The following CFAP44 variants were observed in gnomAD, a reference collection of about 807,000 sequenced individuals.
The protein encoded by CFAP44 is cilia- and flagella-associated protein 44.
A neutral mutation model predicts 216.2 loss-of-function variants in CFAP44; 134 were observed. The observed-to-expected ratio is 0.62, with a 90% CI of 0.54 to 0.72. The LOEUF (loss-of-function observed/expected upper bound fraction) is 0.72. CFAP44 is among the 30% of genes least tolerant of loss of function. The pLI is 0.00. For missense variants in CFAP44, 2,035 were observed against 2,182.1 expected, an observed-to-expected ratio of 0.93 and a Z score of 1.34; for synonymous variants, 700 against 727.6, an observed-to-expected ratio of 0.96 and a Z score of 0.61.
At chr3:113,377,588 T>A (rs1235497758) in intron 17 of CFAP44, among the ~76,000 whole-genome samples, 1 of 152,150 alleles carries the variant, frequency 6.6e-6, no homozygotes, top group Non-Finnish European at 1.5e-5. Context: ...ACAGAATAAG[T>A]AAGTTGTCAT....
intron 32 of CFAP44, among the ~76,000 whole-genome samples, chr3:113,302,379 C>T (rs989352518): frequency 5.2e-4 from 75 of 144,156 alleles, no homozygotes; most frequent in African/African-American, 1.7e-3. Flanking sequence ...GTGCACAAAC[C>T]ATAAATAAGT....
Position 113,341,860 on chromosome 3 carries a change from A to T in CFAP44, c.3321T>A (p.Pro1107=). The change falls in exon 24 of 35, where the codon CCT becomes CCA. Residue 1107 remains proline (P), a synonymous_variant. Coordinates refer to ENST00000393845, the MANE Select transcript of CFAP44 (RefSeq NM_001164496.2). ...SIIEKGKKFR[P]KTLSEIIVEN... is the part of the protein sequence containing the mutation. The stretch of plus-strand genomic sequence containing the variant: ...CCACGATGATTTCACTTAGGGTTTT[A>T]GGCCGAAATTTCTTCCCTTTTTCTA... 6.5e-7 allele frequency: 1 copy of T among 1,532,528 alleles called. No individual in the cohort carries two copies. The highest frequency in any genetic ancestry group is 8.7e-7 in the Non-Finnish European group (1 of 1,145,962). 94.9% of individuals were successfully genotyped at this position (1,532,528 alleles called of 1,614,324 possible).
chr3:113,332,747 A>G (rs1020660003), intron 25 of CFAP44, among the ~76,000 whole-genome samples: 2 of 152,196 alleles, frequency 1.3e-5, no homozygotes, highest in Admixed American at 1.3e-4. Context: ...AAAAGAACAA[A>G]GAAATATATT....
intron 17 of CFAP44, among the ~76,000 whole-genome samples, chr3:113,373,912 C>A (rs1439031783): frequency 6.6e-6 from 1 of 152,064 alleles, no homozygotes; most frequent in African/African-American, 2.4e-5. Flanking sequence ...CTCGTTTTTA[C>A]AGCTAGTTTG....
chr3:113,438,168 C>A (rs1161159370), intron 1 of CFAP44, among the ~76,000 whole-genome samples: 1 of 152,192 alleles, frequency 6.6e-6, no homozygotes, highest in African/African-American at 2.4e-5. Context: ...TCAGAAATGG[C>A]AGTTGTTTTT....
At chr3:113,343,059 C>CTTTTTTTTT (rs397990837) in intron 23 of CFAP44, among the ~76,000 whole-genome samples, 29 of 106,774 alleles carry the variant, frequency 2.7e-4, no homozygotes, top group Non-Finnish European at 3.6e-4. Flanking sequence ...TTCTTTCTTT[C>CTTTTTTTTT]TTTTTTTTTT....
chr3:113,376,614 T>C (rs1373085974), intron 17 of CFAP44, among the ~76,000 whole-genome samples: 2 of 152,206 alleles, frequency 1.3e-5, no homozygotes, highest in Non-Finnish European at 2.9e-5. Context: ...CTCTGTTAAA[T>C]GTTCCGAAAA....
chr3:113,343,331 G>A (rs1437358167), intron 23 of CFAP44, among the ~76,000 whole-genome samples: 3 of 152,066 alleles, frequency 2.0e-5, no homozygotes, highest in Admixed American at 2.0e-4. Flanking sequence ...CCAAAGTGCT[G>A]GGATTACAAG....
chr3:113,398,513 A>G (rs1242636803), intron 13 of CFAP44, among the ~76,000 whole-genome samples: 1 of 152,226 alleles, frequency 6.6e-6, no homozygotes, highest in Non-Finnish European at 1.5e-5. Context: ...TTACACGATC[A>G]TCTGAATAAA....
intron 28 of CFAP44, among the ~76,000 whole-genome samples, chr3:113,308,518 A>G (rs1411811448): frequency 2.6e-5 from 4 of 152,202 alleles, no homozygotes; most frequent in Non-Finnish European, 5.9e-5. Context: ...CCTAAAACAC[A>G]GTTAGTGAAA....
In CFAP44 at chr3:113,403,922, T is replaced by A; in HGVS notation, c.1100A>T (p.Asn367Ile). The part of the protein sequence containing the change: ...LCRGTSKSCH[N>I]GPINQIMLYE... ...CAGCATTATCTGGTTAATGGGACCA[T>A]TGTGACATGACTTGCTTGTCCCTCG... The change falls in exon 9 of 35, where the codon AAT becomes ATT. Residue 367 changes from asparagine to isoleucine, a missense_variant. Asn to Ile is a moderately radical substitution (Grantham distance 149, BLOSUM62 -3). Coordinates refer to ENST00000393845, the MANE Select transcript of CFAP44 (RefSeq NM_001164496.2). 1 of 1,614,162 alleles carries A rather than the reference T, an allele frequency of 6.2e-7. No homozygotes were observed. The highest frequency in any genetic ancestry group is 8.5e-7 in the Non-Finnish European group (1 of 1,180,014).
At chr3:113,377,922 A>G (rs143893557) in intron 17 of CFAP44, among the ~76,000 whole-genome samples, 3,813 of 152,242 alleles carry the variant, frequency 0.025, 59 homozygotes, top group East Asian at 0.052. Flanking sequence ...AAGTGCTGAG[A>G]TTACAGGTGT....
chr3:113,347,596 T>A (rs1039392173), intron 22 of CFAP44, among the ~76,000 whole-genome samples: 1 of 152,186 alleles, frequency 6.6e-6, no homozygotes, highest in Non-Finnish European at 1.5e-5. Context: ...CAGAAAGATA[T>A]AATTTTTGCC....
intron 27 of CFAP44, 23 bp downstream of exon 27, chr3:113,327,593 A>G: frequency 6.6e-7 from 1 of 1,525,412 alleles, no homozygotes; most frequent in Non-Finnish European, 8.8e-7. Flanking sequence ...CCAGCCAGCT[A>G]GGATTCTTCT....
chr3:113,316,690 G>A (rs1214247093), intron 28 of CFAP44, among the ~76,000 whole-genome samples: 5 of 152,054 alleles, frequency 3.3e-5, no homozygotes, highest in Non-Finnish European at 5.9e-5. Flanking sequence ...CCAACACTGT[G>A]AAACCCCATC....
chr3:113,365,986 C>A, intron 19 of CFAP44, 53 bp downstream of exon 19: 2 of 1,519,658 alleles, frequency 1.3e-6, no homozygotes, highest in South Asian at 1.3e-5. Context: ...ATTTTAATAT[C>A]ACTATTTTTA....
chr3:113,353,495 CACAA>C (rs1410093596), intron 22 of CFAP44, among the ~76,000 whole-genome samples: 4 of 135,458 alleles, frequency 3.0e-5, no homozygotes, highest in African/African-American at 1.1e-4. Flanking sequence ...CACACACACA[CACAA>C]AACTTATATA....
intron 34 of CFAP44, among the ~76,000 whole-genome samples, chr3:113,293,266 AT>A (rs1442939549): frequency 6.6e-6 from 1 of 152,136 alleles, no homozygotes; most frequent in Non-Finnish European, 1.5e-5. Context: ...TATTTGACAC[AT>A]TTTTGTTGTC....
chr3:113,420,615 T>C (rs368879252), intron 4 of CFAP44, among the ~76,000 whole-genome samples: 14 of 152,356 alleles, frequency 9.2e-5, no homozygotes, highest in African/African-American at 3.4e-4. Flanking sequence ...GGAGAAAGTC[T>C]GTATCTTCAT....
Sources: gnomAD v4.1 joint callset for allele counts (sites outside exome capture counted in the v4.1 genomes callset) on GRCh38, gnomAD v4.1.1 for gene constraint, MANE v1.5 for transcripts, NCBI Gene and HGNC (gene_info 2026-07-23, HGNC 2026-07-21) for gene names.